Variants in TTC28 observed in about 807,000 individuals in gnomAD.
TTC28 encodes tetratricopeptide repeat protein 28.
A neutral mutation model predicts 198.0 loss-of-function variants in TTC28; 61 were observed. The ratio of observed to expected loss-of-function variants is 0.31; its 90% CI spans 0.25 to 0.38. The LOEUF is 0.38. TTC28 is among the 10% of genes least tolerant of loss of function. The pLI, the probability that TTC28 is intolerant of heterozygous loss-of-function variation, is 1.00. For missense variants in TTC28, 2,678 were observed against 3,164.0 expected (o/e 0.85, Z 3.69); for synonymous variants, 1,171 against 1,297.8 (o/e 0.90, Z 2.10).
At chr22:28,335,422 T>C (rs988869832) in intron 2 of TTC28, among the ~76,000 whole-genome samples, 8 of 152,220 alleles carry the variant, frequency 5.3e-5, no homozygotes, top group African/African-American at 1.2e-4. Context: ...GGGGATGGCA[T>C]TGAATCTATA....
At chr22:28,349,534 A>G (rs1447833291) in intron 2 of TTC28, among the ~76,000 whole-genome samples, 2 of 152,204 alleles carry the variant, frequency 1.3e-5, no homozygotes, top group South Asian at 2.1e-4. Context: ...GACTGAAGTT[A>G]CAGAAAAAGA....
intron 5 of TTC28, among the ~76,000 whole-genome samples, chr22:28,212,220 G>C (rs892076947): frequency 2.6e-5 from 4 of 151,908 alleles, no homozygotes; most frequent in African/African-American, 9.7e-5. Flanking sequence ...AAAAGAACTA[G>C]AGAAGCAAGA....
intron 2 of TTC28, among the ~76,000 whole-genome samples, chr22:28,488,005 A>G (rs2146336924): frequency 6.6e-6 from 1 of 152,258 alleles, no homozygotes; most frequent in South Asian, 2.1e-4. Context: ...TTTCCACCAG[A>G]CGCTCCTGCG....
intron 6 of TTC28, among the ~76,000 whole-genome samples, chr22:28,120,329 C>T (rs536418022): frequency 1.3e-5 from 2 of 152,230 alleles, no homozygotes; most frequent in East Asian, 3.9e-4. Context: ...TTAAATTTAA[C>T]ATTTTAGGGC....
intron 5 of TTC28, among the ~76,000 whole-genome samples, chr22:28,277,424 G>A (rs531563667): frequency 2.0e-5 from 3 of 152,320 alleles, no homozygotes; most frequent in African/African-American, 7.2e-5. Flanking sequence ...TGGATCATCT[G>A]TATCAGTGAA....
chr22:28,346,985 G>A (rs557652035), intron 2 of TTC28, among the ~76,000 whole-genome samples: 4 of 152,246 alleles, frequency 2.6e-5, no homozygotes, highest in African/African-American at 9.6e-5. Flanking sequence ...GACTATGGCC[G>A]GGTGCGGTGG....
At position 28,294,210 on chromosome 22, in the gene TTC28, T is replaced by C. The variant is rs1051437095; in HGVS notation, c.933+1988A>G. 2.6e-5 allele frequency among the ~76,000 whole-genome samples: 4 copies of C among 152,078 alleles called. No individual in the cohort carries two copies. The South Asian group carries it at 8.3e-4, about 32-fold the overall frequency. ...TTTTGGAAGGGCTTAGAAGTGACTA[T>C]GGTAGGTGGCAAACCTAAGATGGGT... is the stretch of plus-strand genomic sequence containing the variant. On this transcript the variant is annotated intron_variant, in intron 5 of 22. Transcript: ENST00000397906.
At chr22:28,087,664 C>A (rs1941659234) in intron 12 of TTC28, among the ~76,000 whole-genome samples, 1 of 152,072 alleles carries the variant, frequency 6.6e-6, no homozygotes, top group Non-Finnish European at 1.5e-5. Flanking sequence ...CTGGCCAGGG[C>A]AATCAGGCAG....
At chr22:28,318,995 A>T (rs946154335) in intron 2 of TTC28, among the ~76,000 whole-genome samples, 35 of 151,556 alleles carry the variant, frequency 2.3e-4, no homozygotes, top group African/African-American at 2.7e-4. Context: ...ATTTTTAATT[A>T]AAAAAAATTT....
rs537615026 is a variant in TTC28 at position 28,005,093 on chromosome 22, A to T, written c.4219-3540T>A. ...TAGTAATGGGATTTCTGAAAGCAGAAGATGACAGGGCCAGGTGCACTAGAA... is the reference window on the plus strand; with the variant it reads ...TAGTAATGGGATTTCTGAAAGCAGATGATGACAGGGCCAGGTGCACTAGAA... On this transcript the variant is annotated intron_variant, in intron 14 of 22. Transcript: ENST00000397906. The surrounding 1 kb of genome is among the most constrained non-coding windows in gnomAD (Gnocchi z 4.9). Among the ~76,000 whole-genome samples, 4 of 152,210 alleles carry T rather than the reference A, an allele frequency of 2.6e-5. No individual in the cohort carries two copies. Among genetic ancestry groups the T allele is most frequent in the African/African-American group, 9.7e-5 (4 of 41,440 alleles).
intron 2 of TTC28, among the ~76,000 whole-genome samples, chr22:28,429,431 G>A (rs190026043): frequency 1.5e-4 from 23 of 152,220 alleles, no homozygotes; most frequent in Admixed American, 1.0e-3. Flanking sequence ...TACTTGCCTC[G>A]ATTTACTGTA....
intron 2 of TTC28, among the ~76,000 whole-genome samples, chr22:28,594,288 ATTAT>A (rs2146100569): frequency 6.7e-6 from 1 of 148,844 alleles, no homozygotes; most frequent in East Asian, 1.9e-4. Context: ...AATTAATTAT[ATTAT>A]TTATATTATT....
intron 2 of TTC28, among the ~76,000 whole-genome samples, chr22:28,339,773 T>A (rs2045798460): frequency 6.6e-6 from 1 of 152,068 alleles, no homozygotes; most frequent in Non-Finnish European, 1.5e-5. Context: ...GACCCGATTT[T>A]CCAGGTGCCA....
rs138027311 is a variant in TTC28 at position 28,017,293 on chromosome 22, G to A, written c.4074-2901C>T. ...AGTGCCAGAGGCATCTAAGGGGCCC[G>A]GTGGCGCTAACCCATCCCACATATG... On this transcript the variant is annotated intron_variant, in intron 13 of 22. Transcript: ENST00000397906. Among the ~76,000 whole-genome samples, 4 of 152,340 alleles carry A rather than the reference G, an allele frequency of 2.6e-5. No homozygotes were observed. In the East Asian group the frequency reaches 5.8e-4, roughly 22 times the overall value.
intron 13 of TTC28, among the ~76,000 whole-genome samples, chr22:28,017,313 CAT>C (rs1237361033): frequency 4.6e-5 from 7 of 152,218 alleles, no homozygotes; most frequent in East Asian, 3.9e-4. Context: ...ACCCATCCCA[CAT>C]ATGTCACTGC....
intron 2 of TTC28, among the ~76,000 whole-genome samples, chr22:28,590,995 A>G (rs1327806798): frequency 7.3e-6 from 1 of 137,800 alleles, no homozygotes; most frequent in Non-Finnish European, 1.6e-5. Context: ...GACAAGAGAG[A>G]AACTCTGCCT....
At chr22:28,142,136 AC>A (rs1227340461) in intron 6 of TTC28, among the ~76,000 whole-genome samples, 3 of 152,236 alleles carry the variant, frequency 2.0e-5, no homozygotes, top group Non-Finnish European at 4.4e-5. Flanking sequence ...GGAAGGTAAA[AC>A]TTTTTTAAAA....
At chr22:28,166,333 A>G in intron 5 of TTC28, among the ~76,000 whole-genome samples, 1 of 152,232 alleles carries the variant, frequency 6.6e-6, no homozygotes, top group Non-Finnish European at 1.5e-5. Flanking sequence ...CCTAACAGAC[A>G]TCTACAGAAC....
At chr22:28,601,766 A>G (rs2050641101) in intron 2 of TTC28, among the ~76,000 whole-genome samples, 1 of 131,806 alleles carries the variant, frequency 7.6e-6, no homozygotes, top group Non-Finnish European at 1.6e-5. Context: ...TTCACAGCAG[A>G]GTAAACCCTA....
Sources: allele counts gnomAD v4.1 joint callset (sites outside exome capture counted in the v4.1 genomes callset), GRCh38; gene constraint gnomAD v4.1.1; non-coding constraint Gnocchi (gnomAD v3.1); transcripts MANE v1.5; gene names NCBI Gene and HGNC (gene_info 2026-07-23, HGNC 2026-07-21).